Variants in KLHL4 observed in about 807,000 individuals in gnomAD.
KLHL4 encodes the protein kelch like family member 4.
KLHL4 carries 17 observed loss-of-function variants against 45.8 expected under a neutral mutation model. That is an observed-to-expected ratio of 0.37 (90% CI 0.25 to 0.56). KLHL4 has a LOEUF of 0.56. Among genes scored for constraint, KLHL4 ranks in the 20% least tolerant of loss-of-function variants. The probability of loss-of-function intolerance (pLI) is 0.79; values close to 1 mark genes in which losing one functional copy is unlikely to be tolerated. For missense variants in KLHL4, 544 were observed against 544.9 expected, an observed-to-expected ratio of 1.00 and a Z score of 0.02; for synonymous variants, 224 against 189.9, an observed-to-expected ratio of 1.18 and a Z score of -1.47.
intron 1 of KLHL4, among the ~76,000 whole-genome samples, chrX:87,522,287 A>C (rs1017400640): frequency 1.4e-4 from 16 of 111,937 alleles, no homozygotes; most frequent in African/African-American, 4.9e-4. Context: ...AAGCACGCTC[A>C]ACAGAGAGAG....
intron 9 of KLHL4, among the ~76,000 whole-genome samples, chrX:87,639,583 G>A (rs1050999168): frequency 2.7e-5 from 3 of 111,180 alleles, no homozygotes; most frequent in African/African-American, 9.8e-5. Context: ...CAAGTACATG[G>A]AATTTAAATA....
chrX:87,669,206 T>A lies in KLHL4; in HGVS notation c.*2672T>A, dbSNP rs747618314. The A allele has an allele frequency of 9.1e-7, 1 of 1,094,263 alleles. No individual in the cohort carries two copies. The highest frequency in any genetic ancestry group is 3.3e-5 in the East Asian group (1 of 29,888). The allele number at this position is 1,094,263 out of a possible 1,213,427, so 90.2% of individuals were successfully genotyped here. A position where few individuals can be genotyped will look rare whatever the true frequency, so the allele number is the denominator to read the frequency against. ...TACTGTACTCAGATCTGAAAGACAA[T>A]GTTGCTTCTTGATTTTTTTCTATAA... On this transcript the variant is annotated 3_prime_UTR_variant, in exon 11 of 11. Coordinates refer to ENST00000373119, the MANE Select transcript of KLHL4 (RefSeq NM_019117.5).
intron 1 of KLHL4, among the ~76,000 whole-genome samples, chrX:87,572,851 G>A (rs1281792590): frequency 1.9e-5 from 2 of 106,221 alleles, no homozygotes; most frequent in Middle Eastern, 4.9e-3. Context: ...AAGCACACAA[G>A]TTCATAGGGA....
At chrX:87,644,308 C>CA (rs1293105558) in intron 9 of KLHL4, among the ~76,000 whole-genome samples, 118 of 110,676 alleles carry the variant, frequency 1.1e-3, no homozygotes, top group Admixed American at 3.5e-3. Flanking sequence ...ACAATAGCTG[C>CA]AAAAAAATAA....
intron 9 of KLHL4, among the ~76,000 whole-genome samples, chrX:87,661,491 T>G (rs1924187110): frequency 9.0e-6 from 1 of 111,586 alleles, no homozygotes; most frequent in Non-Finnish European, 1.9e-5. Context: ...TAAATTGGGC[T>G]GCATATTCTA....
chrX:87,545,076 ATTCT>A (rs1931644403), intron 1 of KLHL4, among the ~76,000 whole-genome samples: 1 of 112,671 alleles, frequency 8.9e-6, no homozygotes, highest in Non-Finnish European at 1.9e-5. Context: ...TGAATTCAGA[ATTCT>A]ATCACATAAA....
At chrX:87,648,955 A>G (rs1245434880) in intron 9 of KLHL4, among the ~76,000 whole-genome samples, 1 of 112,068 alleles carries the variant, frequency 8.9e-6, no homozygotes, top group Non-Finnish European at 1.9e-5. Flanking sequence ...GACACTGAAG[A>G]AAACCACATT....
intron 1 of KLHL4, among the ~76,000 whole-genome samples, chrX:87,523,504 C>CA (rs902510589): frequency 2.7e-5 from 3 of 110,881 alleles, no homozygotes; most frequent in African/African-American, 9.8e-5. Flanking sequence ...AATAAGTATT[C>CA]AAAAAAATGA....
intron 7 of KLHL4, 49 bp downstream of exon 7, chrX:87,632,483 T>A (rs778916932): frequency 1.2e-6 from 1 of 859,318 alleles, no homozygotes; most frequent in Non-Finnish European, 1.6e-6. Flanking sequence ...GTAAGTAGAG[T>A]TTTTAAAAAT....
At chrX:87,588,834 A>G (rs924768862) in intron 1 of KLHL4, among the ~76,000 whole-genome samples, 14 of 109,530 alleles carry the variant, frequency 1.3e-4, no homozygotes, top group African/African-American at 4.7e-4. Flanking sequence ...AGGAAGAGGA[A>G]GAGGAGGAAG....
chrX:87,531,939 A>G (rs1242042325), intron 1 of KLHL4, among the ~76,000 whole-genome samples: 37 of 103,017 alleles, frequency 3.6e-4, no homozygotes, highest in Non-Finnish European at 4.5e-4. Flanking sequence ...TGCCATCCCC[A>G]TCAAGCTACC....
At chrX:87,591,159 C>G (rs1364935750) in intron 1 of KLHL4, among the ~76,000 whole-genome samples, 1 of 111,603 alleles carries the variant, frequency 9.0e-6, no homozygotes, top group Non-Finnish European at 1.9e-5. Context: ...TTATTCTCAG[C>G]CTTTTTTATA....
intron 9 of KLHL4, among the ~76,000 whole-genome samples, chrX:87,652,077 C>A (rs1448057874): frequency 1.8e-5 from 2 of 112,658 alleles, no homozygotes; most frequent in Non-Finnish European, 3.7e-5. Flanking sequence ...GTTGCCAGGG[C>A]TTGGGGCTTG....
At chrX:87,610,032 A>G (rs188648393) in intron 1 of KLHL4, among the ~76,000 whole-genome samples, 19 of 111,671 alleles carry the variant, frequency 1.7e-4, no homozygotes, top group African/African-American at 6.2e-4. Flanking sequence ...TCAAAACTAT[A>G]TCAAGGATAT....
intron 9 of KLHL4, among the ~76,000 whole-genome samples, chrX:87,661,676 T>C: frequency 8.9e-6 from 1 of 112,310 alleles, no homozygotes. Context: ...TATAAGTAGA[T>C]GTTTAACCTC....
At chrX:87,566,506 T>C (rs1057000446) in intron 1 of KLHL4, among the ~76,000 whole-genome samples, 1 of 111,800 alleles carries the variant, frequency 8.9e-6, no homozygotes, top group African/African-American at 3.2e-5. Flanking sequence ...GGCAAAATCA[T>C]CTAACATTAA....
Position 87,664,917 on chromosome X carries a change from G to A in KLHL4, c.2079G>A (p.Gln693=). 6 of 1,160,020 alleles carry A rather than the reference G, an allele frequency of 5.2e-6. No homozygotes were observed. The highest frequency in any genetic ancestry group is 2.3e-5 in the Admixed American group (1 of 43,035). The change falls in exon 10 of 11, where the codon CAG becomes CAA. Residue 693 remains glutamine, a synonymous_variant. Coordinates refer to ENST00000373119, the MANE Select transcript of KLHL4 (RefSeq NM_019117.5). ...ACACAGTTGAGTCATATGATGCACA[G>A]AGAAATGAATGGAAAGAGGTATTCG... The part of the protein sequence containing the change: ...YLNTVESYDA[Q]RNEWKEEVPV...
At chrX:87,581,714 C>A (rs1921287735) in intron 1 of KLHL4, among the ~76,000 whole-genome samples, 1 of 112,009 alleles carries the variant, frequency 8.9e-6, no homozygotes, top group Non-Finnish European at 1.9e-5. Context: ...GGTAAGCAAT[C>A]TCAAAAACAG....
chrX:87,590,843 G>C (rs1287984504), intron 1 of KLHL4, among the ~76,000 whole-genome samples: 1 of 111,706 alleles, frequency 9.0e-6, no homozygotes, highest in East Asian at 2.8e-4. Flanking sequence ...GTTAAAGGCT[G>C]AATAACATTC....
Sources: gnomAD v4.1 joint callset for allele counts (sites outside exome capture counted in the v4.1 genomes callset) on GRCh38, gnomAD v4.1.1 for gene constraint, MANE v1.5 for transcripts, NCBI Gene and HGNC (gene_info 2026-07-23, HGNC 2026-07-21) for gene names.